The following THOC1 variants were observed in gnomAD, a reference collection of about 807,000 sequenced individuals.
THOC1 encodes the protein THO complex subunit 1, also known as THO complex 1.
THOC1 carries 29 observed loss-of-function variants against 97.3 expected under a neutral mutation model. That is an observed-to-expected ratio of 0.30 (90% CI 0.22 to 0.41). The LOEUF (loss-of-function observed/expected upper bound fraction) is 0.41. Ranked by LOEUF, THOC1 falls within the 10% of genes least tolerant of loss-of-function variation. The pLI, the probability that THOC1 is intolerant of heterozygous loss-of-function variation, is 1.00. For synonymous variants in THOC1, 255 were observed against 257.0 expected, an observed-to-expected ratio of 0.99 and a Z score of 0.07; for missense variants, 529 against 761.9, an observed-to-expected ratio of 0.69 and a Z score of 3.60.
intron 11 of THOC1, among the ~76,000 whole-genome samples, chr18:234,153 T>C (rs1447348752): frequency 1.3e-5 from 2 of 152,230 alleles, no homozygotes; most frequent in Non-Finnish European, 2.9e-5. Flanking sequence ...CTTGCTGAAG[T>C]TTCATTAGTT....
At chr18:218,638 G>A (rs553459082) in intron 18 of THOC1, among the ~76,000 whole-genome samples, 2 of 152,214 alleles carry the variant, frequency 1.3e-5, no homozygotes, top group African/African-American at 4.8e-5. Context: ...GAGAGAAATG[G>A]GGATCAGGGG....
chr18:254,891 C>T lies in THOC1; in HGVS notation c.521-536G>A, dbSNP rs1287713155. On this transcript the variant is annotated intron_variant, in intron 7 of 20. Coordinates refer to ENST00000261600, the MANE Select transcript of THOC1 (RefSeq NM_005131.3). This position sits in a 1 kb window ranked among gnomAD's most constrained non-coding sequence, Gnocchi z 4.1. ...AGTGCAGTGGCATGATCATGGCTCA[C>T]TGCAAGTTCAGCTTCCCAAGCTCAG... is the stretch of plus-strand genomic sequence containing the variant. Among the ~76,000 whole-genome samples, 1 of 151,842 alleles carries T rather than the reference C, an allele frequency of 6.6e-6. No homozygotes were observed. The highest frequency in any genetic ancestry group is 1.5e-5 in the Non-Finnish European group (1 of 67,984).
At chr18:263,955 A>T in intron 4 of THOC1, 71 bp downstream of exon 4, 1 of 1,175,648 alleles carries the variant, frequency 8.5e-7, no homozygotes, top group African/African-American at 1.5e-5. Context: ...AAGTATGGGG[A>T]GAAGACGTTT....
At chr18:246,941 G>C in intron 10 of THOC1, among the ~76,000 whole-genome samples, 1 of 142,296 alleles carries the variant, frequency 7.0e-6, no homozygotes, top group Non-Finnish European at 1.5e-5. Flanking sequence ...AAAAAACGAA[G>C]AAATATGATT....
At chr18:241,484 G>C (rs1029386050) in intron 11 of THOC1, among the ~76,000 whole-genome samples, 6 of 152,074 alleles carry the variant, frequency 3.9e-5, no homozygotes, top group African/African-American at 1.4e-4. Context: ...AAAATGAATG[G>C]CCTAATGACC....
At chr18:235,246 C>T (rs1045971851) in intron 11 of THOC1, among the ~76,000 whole-genome samples, 1 of 151,954 alleles carries the variant, frequency 6.6e-6, no homozygotes, top group Non-Finnish European at 1.5e-5. Context: ...TTGCTGGTAT[C>T]TTTTCATTTT....
intron 19 of THOC1, 60 bp downstream of exon 19, chr18:216,426 A>T: frequency 2.6e-6 from 4 of 1,559,060 alleles, no homozygotes; most frequent in Non-Finnish European, 3.5e-6. Context: ...TCACATAGTG[A>T]CAGCAATTTT....
intron 12 of THOC1, chr18:226,238 G>A (rs1185590101): frequency 6.6e-6 from 1 of 152,318 alleles, no homozygotes; most frequent in Admixed American, 6.5e-5. Context: ...AACTAATACG[G>A]CATTGCTCAG....
intron 1 of THOC1, among the ~76,000 whole-genome samples, chr18:265,999 AC>A (rs1912755511): frequency 6.6e-6 from 1 of 152,142 alleles, no homozygotes; most frequent in African/African-American, 2.4e-5. Flanking sequence ...TACTGTATTC[AC>A]ACATTCATGT....
intron 1 of THOC1, 28 bp from the exon 2 acceptor site, chr18:265,558 T>G (rs1912740940): frequency 1.3e-6 from 2 of 1,508,910 alleles, no homozygotes; most frequent in Non-Finnish European, 1.8e-6. Context: ...TGGCAAATAA[T>G]TGTAAAGATT....
Position 225,081 on chromosome 18 carries a change from A to T in THOC1, c.1137+8T>A, listed in dbSNP as rs71352928. The stretch of plus-strand genomic sequence containing the variant: ...TAAGAAGAGGATGTAAGCATAAAAA[A>T]CACATACCTCTACCATCTTTGAAAA... On this transcript the variant is annotated splice_region_variant and intron_variant, in intron 14 of 20. Coordinates refer to ENST00000261600, the MANE Select transcript of THOC1 (RefSeq NM_005131.3). 52,222 of 1,573,144 alleles carry T rather than the reference A, an allele frequency of 0.033. 1,107 individuals are homozygous for T. Among genetic ancestry groups the T allele is most frequent in the Middle Eastern group, 0.076 (457 of 6,000 alleles).
intron 11 of THOC1, among the ~76,000 whole-genome samples, chr18:239,702 T>C (rs1262691901): frequency 2.0e-5 from 3 of 152,248 alleles, no homozygotes; most frequent in Non-Finnish European, 4.4e-5. Flanking sequence ...AATGTTTACA[T>C]ATTAAACATG....
chr18:229,107 C>T (rs1598292592), intron 11 of THOC1, among the ~76,000 whole-genome samples: 3 of 152,310 alleles, frequency 2.0e-5, no homozygotes, highest in Admixed American at 6.5e-5. Flanking sequence ...GTCACAACTC[C>T]TTCACGGCTA....
intron 16 of THOC1, 24 bp from the exon 17 acceptor site, chr18:223,529 AT>A: frequency 6.5e-7 from 1 of 1,540,108 alleles, no homozygotes; most frequent in Non-Finnish European, 8.8e-7. Context: ...ACAGAAATAA[AT>A]ACATTTTTTA....
intron 11 of THOC1, among the ~76,000 whole-genome samples, chr18:239,762 C>T (rs1431404362): frequency 2.6e-5 from 4 of 152,138 alleles, no homozygotes; most frequent in Admixed American, 2.6e-4. Flanking sequence ...TTATTAAACA[C>T]TGATCTATTA....
rs1257357000 is a variant in THOC1 at position 254,281 on chromosome 18, C to A, written c.595G>T (p.Gly199Cys). 2 of 1,579,434 alleles carry A rather than the reference C, an allele frequency of 1.3e-6. No homozygotes were observed. Among genetic ancestry groups the A allele is most frequent in the Admixed American group, 3.6e-5 (2 of 54,914 alleles). ...TTTCAAATCAGCCTCACCTTCTGACCCAGGGTGCTTTCCTGCTCATTTGTA... is the reference window on the plus strand; with the variant it reads ...TTTCAAATCAGCCTCACCTTCTGACACAGGGTGCTTTCCTGCTCATTTGTA... The part of the protein sequence containing the change: ...FNTNEQESTL[G>C]QKHTEDREEG... The change falls in exon 8 of 21, where the codon GGT becomes TGT. Residue 199 changes from glycine to cysteine, a missense_variant. Gly to Cys is a radical substitution (Grantham distance 159, BLOSUM62 -3). Coordinates refer to ENST00000261600, the MANE Select transcript of THOC1 (RefSeq NM_005131.3). The surrounding 1 kb of genome is among the most constrained non-coding windows in gnomAD (Gnocchi z 4.1).
In THOC1 at chr18:252,571, G is replaced by T. The variant is rs563042825; in HGVS notation, c.645C>A (p.Gly215=). ...DREEGMDVEE[G]EMGDEEAPTT... is the part of the protein sequence containing the mutation. ...TTGGAGCTTCCTCGTCTCCCATTTC[G>T]CCTTCTTCTACATCCATTCCTTCTT... Residue 215 remains glycine, a synonymous_variant, in exon 9 of 21, where the codon GGC becomes GGA. Transcript: ENST00000261600. 2.5e-6 allele frequency: 4 copies of T among 1,608,942 alleles called. No individual in the cohort carries two copies. In the East Asian group the frequency reaches 8.9e-5, roughly 36 times the overall value.
intron 11 of THOC1, among the ~76,000 whole-genome samples, chr18:234,783 T>G (rs1911615813): frequency 2.6e-5 from 4 of 152,086 alleles, no homozygotes; most frequent in Admixed American, 2.6e-4. Context: ...TTACTTAATT[T>G]GTGAGTTTGT....
Position 224,096 on chromosome 18 carries a change from A to AT in THOC1, c.1291dup (p.Ile431AsnfsTer6), listed in dbSNP as rs1356755845. The AT allele has an allele frequency of 6.2e-7, 1 of 1,606,596 alleles. No individual in the cohort carries two copies. The highest frequency in any genetic ancestry group is 1.1e-5 in the South Asian group (1 of 89,588). On this transcript the variant is annotated frameshift_variant, in exon 16 of 21. Coordinates refer to ENST00000261600, the MANE Select transcript of THOC1 (RefSeq NM_005131.3). LOFTEE classifies it high-confidence loss of function. ...CAAATTCACCTACTTTCCCATCAGA[A>AT]TTTTTTTGGTGGGTCCTTTCCCTAG...
Sources: gnomAD v4.1 joint callset for allele counts (sites outside exome capture counted in the v4.1 genomes callset) on GRCh38, gnomAD v4.1.1 for gene constraint, Gnocchi (gnomAD v3.1) non-coding constraint, MANE v1.5 for transcripts, NCBI Gene and HGNC (gene_info 2026-07-23, HGNC 2026-07-21) for gene names.